The following CLVS1 variants were observed in gnomAD, a reference collection of about 807,000 sequenced individuals.
CLVS1 encodes clavesin 1.
CLVS1 carries 10 observed loss-of-function variants against 33.1 expected under a neutral mutation model. That is an observed-to-expected ratio of 0.30 (90% CI 0.19 to 0.51). The LOEUF (loss-of-function observed/expected upper bound fraction) is 0.51, where lower values mean the gene tolerates loss of function less well. CLVS1 is among the 20% of genes least tolerant of loss of function. The pLI, the probability that CLVS1 is intolerant of heterozygous loss-of-function variation, is 0.97. For synonymous variants in CLVS1, 163 were observed against 166.1 expected, an observed-to-expected ratio of 0.98 and a Z score of 0.14; for missense variants, 343 against 433.4, an observed-to-expected ratio of 0.79 and a Z score of 1.85.
chr8:61,489,905 A>C (rs1804010768), intron 5 of CLVS1, among the ~76,000 whole-genome samples: 1 of 152,230 alleles, frequency 6.6e-6, no homozygotes, highest in African/African-American at 2.4e-5. Flanking sequence ...TTGCAACCTG[A>C]GGGCAGACTA....
At chr8:60,979,986 C>T in the CLVS1 span, among the ~76,000 whole-genome samples, 2 of 152,264 alleles carry the variant, frequency 1.3e-5, no homozygotes, top group East Asian at 1.9e-4. Flanking sequence ...GATCTCTGCC[C>T]TTTTTCACTT....
intron 2 of CLVS1, among the ~76,000 whole-genome samples, chr8:61,189,402 C>T (rs1034897659): frequency 6.6e-6 from 1 of 152,152 alleles, no homozygotes; most frequent in African/African-American, 2.4e-5. Context: ...ACAACCGGTA[C>T]CAGCCACTGC....
chr8:61,447,057 C>T (rs1816782739), intron 3 of CLVS1, among the ~76,000 whole-genome samples: 1 of 151,928 alleles, frequency 6.6e-6, no homozygotes, highest in Non-Finnish European at 1.5e-5. Context: ...AAAGTATATT[C>T]TTCTGTTTTG....
At chr8:61,123,079 G>C (rs1307572890) in intron 1 of CLVS1, among the ~76,000 whole-genome samples, 1 of 143,112 alleles carries the variant, frequency 7.0e-6, no homozygotes, top group African/African-American at 2.5e-5. Flanking sequence ...AGACCAGCCT[G>C]ACCAGCATGG....
intron 2 of CLVS1, among the ~76,000 whole-genome samples, chr8:61,226,183 C>T (rs1282344797): frequency 6.6e-6 from 1 of 152,106 alleles, no homozygotes; most frequent in African/African-American, 2.4e-5. Flanking sequence ...GCAAATGGAG[C>T]AGAGATGCAT....
At chr8:61,180,621 C>T (rs547727773) in intron 2 of CLVS1, among the ~76,000 whole-genome samples, 2 of 152,310 alleles carry the variant, frequency 1.3e-5, no homozygotes, top group East Asian at 1.9e-4. Flanking sequence ...TCCAGAAGTA[C>T]ATCAAAAAGC....
chr8:61,298,140 G>C (rs1470277458), intron 1 of CLVS1, among the ~76,000 whole-genome samples: 2 of 151,738 alleles, frequency 1.3e-5, no homozygotes, highest in East Asian at 3.9e-4. Flanking sequence ...GGAAGAACTG[G>C]AGAAGGAAGA....
chr8:61,001,712 G>C, the CLVS1 span, among the ~76,000 whole-genome samples: 1 of 152,198 alleles, frequency 6.6e-6, no homozygotes, highest in African/African-American at 2.4e-5. Context: ...TTCCTTTGCA[G>C]CTTTATCTTC....
the CLVS1 span, among the ~76,000 whole-genome samples, chr8:60,974,588 G>C: frequency 6.6e-6 from 1 of 152,234 alleles, no homozygotes; most frequent in African/African-American, 2.4e-5. Context: ...TCTTTCAGTG[G>C]AATTTGGGAA....
intron 5 of CLVS1, among the ~76,000 whole-genome samples, chr8:61,477,972 G>A (rs1230738754): frequency 6.8e-6 from 1 of 146,748 alleles, no homozygotes; most frequent in African/African-American, 2.7e-5. Context: ...TGCTTTGAAT[G>A]TGTCCCTCTA....
chr8:61,433,695 A>G (rs1018458260), intron 3 of CLVS1, among the ~76,000 whole-genome samples: 1 of 151,944 alleles, frequency 6.6e-6, no homozygotes, highest in African/African-American at 2.4e-5. Flanking sequence ...TTTGAAGGGC[A>G]AGTAGAAGTT....
chr8:61,143,893 G>C (rs1806363526), intron 2 of CLVS1, among the ~76,000 whole-genome samples: 1 of 147,456 alleles, frequency 6.8e-6, no homozygotes. Context: ...GAGAAATATG[G>C]GATTAACCAC....
chr8:61,032,869 A>G, the CLVS1 span, among the ~76,000 whole-genome samples: 2 of 151,874 alleles, frequency 1.3e-5, no homozygotes, highest in Non-Finnish European at 2.9e-5. Context: ...ATGCTTCAAA[A>G]TACTATCTGT....
At chr8:61,295,274 A>T (rs983238540) in intron 1 of CLVS1, among the ~76,000 whole-genome samples, 2 of 152,212 alleles carry the variant, frequency 1.3e-5, no homozygotes, top group African/African-American at 4.8e-5. Context: ...AGCACATTTC[A>T]GTGCTGACAC....
At chr8:61,477,377 C>T (rs1242958114) in intron 5 of CLVS1, among the ~76,000 whole-genome samples, 4 of 152,118 alleles carry the variant, frequency 2.6e-5, no homozygotes, top group Non-Finnish European at 4.4e-5. Flanking sequence ...AGGAATGGTA[C>T]CAGCTCCTCC....
the CLVS1 span, among the ~76,000 whole-genome samples, chr8:61,049,564 A>G: frequency 6.6e-6 from 1 of 152,214 alleles, no homozygotes; most frequent in African/African-American, 2.4e-5. Context: ...CCAGTTGGAA[A>G]CAAAATGGTA....
At chr8:61,244,046 G>C (rs890031785) in intron 2 of CLVS1, among the ~76,000 whole-genome samples, 1 of 152,150 alleles carries the variant, frequency 6.6e-6, no homozygotes, top group East Asian at 1.9e-4. Context: ...TTCATAGAAC[G>C]CACAGAGTGG....
chr8:61,324,543 G>T (rs1811309839), intron 2 of CLVS1, among the ~76,000 whole-genome samples: 1 of 152,064 alleles, frequency 6.6e-6, no homozygotes, highest in Non-Finnish European at 1.5e-5. Context: ...GTTCTAAAAA[G>T]ATACCAAAAA....
At chr8:61,146,918 C>T (rs1378139696) in intron 2 of CLVS1, among the ~76,000 whole-genome samples, 4 of 152,198 alleles carry the variant, frequency 2.6e-5, no homozygotes, top group African/African-American at 9.6e-5. Context: ...GTGGGGTCTT[C>T]ATACAGTCTT....
Sources: allele counts gnomAD v4.1 joint callset (sites outside exome capture counted in the v4.1 genomes callset), GRCh38; gene constraint gnomAD v4.1.1; transcripts MANE v1.5; gene names NCBI Gene and HGNC (gene_info 2026-07-23, HGNC 2026-07-21).